Variants in SORCS3 observed in about 807,000 individuals in gnomAD.
SORCS3 encodes the protein sortilin related VPS10 domain containing receptor 3, also known as VPS10 domain-containing receptor SorCS3.
A neutral mutation model predicts 146.3 loss-of-function variants in SORCS3; 57 were observed. The ratio of observed to expected loss-of-function variants is 0.39; its 90% CI spans 0.31 to 0.49. The LOEUF is 0.49. Among genes scored for constraint, SORCS3 ranks in the 20% least tolerant of loss-of-function variants. The probability of loss-of-function intolerance (pLI) is 0.92; values close to 1 mark genes in which losing one functional copy is unlikely to be tolerated. For synonymous variants in SORCS3, 653 were observed against 618.5 expected, an observed-to-expected ratio of 1.06 and a Z score of -0.83; for missense variants, 1,341 against 1,575.5, an observed-to-expected ratio of 0.85 and a Z score of 2.52.
intron 1 of SORCS3, among the ~76,000 whole-genome samples, chr10:104,657,776 G>A (rs1400721077): frequency 6.6e-6 from 1 of 152,194 alleles, no homozygotes; most frequent in Admixed American, 6.5e-5. Flanking sequence ...TGACTGTGAA[G>A]ATAGAATTTC....
intron 9 of SORCS3, among the ~76,000 whole-genome samples, chr10:105,152,275 A>G (rs1220136747): frequency 6.6e-6 from 1 of 152,238 alleles, no homozygotes; most frequent in East Asian, 1.9e-4. Flanking sequence ...AAGGTGAGCT[A>G]CATACACACT....
At chr10:105,136,207 A>T (rs2133775939) in intron 7 of SORCS3, among the ~76,000 whole-genome samples, 1 of 152,314 alleles carries the variant, frequency 6.6e-6, no homozygotes, top group South Asian at 2.1e-4. Flanking sequence ...GAAGTCCATG[A>T]CAAAGACCCC....
intron 1 of SORCS3, among the ~76,000 whole-genome samples, chr10:104,834,078 TC>T (rs1343133445): frequency 6.6e-6 from 1 of 152,140 alleles, no homozygotes; most frequent in African/African-American, 2.4e-5. Flanking sequence ...TATATTTAGA[TC>T]CTGCCCCTCT....
At chr10:105,090,225 A>G (rs1008742143) in intron 6 of SORCS3, among the ~76,000 whole-genome samples, 1 of 152,150 alleles carries the variant, frequency 6.6e-6, no homozygotes, top group African/African-American at 2.4e-5. Context: ...CTTACCAAAA[A>G]ATGTAATGGG....
At chr10:104,685,219 C>G (rs2016030531) in intron 1 of SORCS3, among the ~76,000 whole-genome samples, 1 of 152,180 alleles carries the variant, frequency 6.6e-6, no homozygotes, top group Admixed American at 6.5e-5. Context: ...GAAGACTGAA[C>G]TAAGCATTGT....
chr10:105,150,181 A>G (rs17118625), intron 9 of SORCS3, among the ~76,000 whole-genome samples: 3,884 of 152,232 alleles, frequency 0.026, 106 homozygotes, highest in East Asian at 0.16. Flanking sequence ...TACCTGGTCA[A>G]TGCTGGAACC....
intron 1 of SORCS3, among the ~76,000 whole-genome samples, chr10:104,831,368 C>A (rs932508408): frequency 6.6e-6 from 1 of 152,102 alleles, no homozygotes; most frequent in Non-Finnish European, 1.5e-5. Context: ...TTATGGGCAC[C>A]ATCTATTTAT....
intron 4 of SORCS3, among the ~76,000 whole-genome samples, chr10:105,004,457 G>T (rs1180310045): frequency 6.6e-6 from 1 of 152,262 alleles, no homozygotes; most frequent in Non-Finnish European, 1.5e-5. Flanking sequence ...GACAGAGCTG[G>T]AATTAAGGGG....
At chr10:105,167,805 C>T (rs1054086262) in intron 13 of SORCS3, among the ~76,000 whole-genome samples, 17 of 152,252 alleles carry the variant, frequency 1.1e-4, no homozygotes, top group Non-Finnish European at 1.2e-4. Flanking sequence ...TCTAGGCTGA[C>T]ACTTTAGCTT....
intron 7 of SORCS3, among the ~76,000 whole-genome samples, chr10:105,106,836 C>T (rs572522107): frequency 1.2e-4 from 19 of 152,238 alleles, no homozygotes; most frequent in Admixed American, 1.2e-3. Flanking sequence ...AGGCCAACGG[C>T]ACTCTCATTC....
intron 1 of SORCS3, among the ~76,000 whole-genome samples, chr10:104,694,898 C>T (rs1270145999): frequency 6.6e-6 from 1 of 152,140 alleles, no homozygotes; most frequent in Non-Finnish European, 1.5e-5. Flanking sequence ...AACAGTAGGT[C>T]CTCTGAAAAT....
chr10:104,692,465 C>G (rs886862434), intron 1 of SORCS3, among the ~76,000 whole-genome samples: 1 of 152,156 alleles, frequency 6.6e-6, no homozygotes, highest in Non-Finnish European at 1.5e-5. Context: ...CTTTCAATGG[C>G]AAAAACTGCA....
chr10:104,940,234 ATATATTT>A (rs1215805039), intron 3 of SORCS3, among the ~76,000 whole-genome samples: 22 of 24,244 alleles, frequency 9.1e-4, no homozygotes, highest in African/African-American at 3.6e-3. Context: ...ATATATATAT[ATATATTT>A]TTTTTTTTTT....
chr10:105,045,979 C>T (rs141067570), intron 5 of SORCS3, among the ~76,000 whole-genome samples: 34 of 152,280 alleles, frequency 2.2e-4, no homozygotes, highest in African/African-American at 7.2e-4. Flanking sequence ...CAAGAATCCA[C>T]ATCTCAGCTG....
intron 5 of SORCS3, among the ~76,000 whole-genome samples, chr10:105,065,157 A>G (rs1375337623): frequency 6.6e-6 from 1 of 152,104 alleles, no homozygotes; most frequent in Non-Finnish European, 1.5e-5. Flanking sequence ...TTAGTAGCCT[A>G]ACTGACCTAC....
intron 9 of SORCS3, among the ~76,000 whole-genome samples, chr10:105,148,760 T>A (rs772105204): frequency 2.0e-5 from 3 of 152,072 alleles, no homozygotes; most frequent in Non-Finnish European, 4.4e-5. Flanking sequence ...GTTTCTACTT[T>A]ATAGTGGTCT....
chr10:104,790,975 C>T (rs910055005), intron 1 of SORCS3, among the ~76,000 whole-genome samples: 2 of 152,190 alleles, frequency 1.3e-5, no homozygotes, highest in African/African-American at 4.8e-5. Context: ...AAACAGGCAA[C>T]ACTTTTTTTT....
chr10:104,678,109 C>T (rs375291610), intron 1 of SORCS3, among the ~76,000 whole-genome samples: 2 of 151,818 alleles, frequency 1.3e-5, no homozygotes, highest in Admixed American at 6.6e-5. Flanking sequence ...GTGAGGTTGC[C>T]GAAGTTAAAT....
intron 14 of SORCS3, among the ~76,000 whole-genome samples, chr10:105,191,891 C>T (rs1258294113): frequency 6.6e-6 from 1 of 152,140 alleles, no homozygotes; most frequent in Admixed American, 6.5e-5. Context: ...TGTTCCTAAA[C>T]ATTTAATATA....
Sources: allele counts gnomAD v4.1 joint callset (sites outside exome capture counted in the v4.1 genomes callset), GRCh38; gene constraint gnomAD v4.1.1; transcripts MANE v1.5; gene names NCBI Gene and HGNC (gene_info 2026-07-23, HGNC 2026-07-21).